The following LRP1B variants were observed in gnomAD, a reference collection of about 807,000 sequenced individuals.
LRP1B encodes the protein LDL receptor related protein 1B, also known as low-density lipoprotein receptor-related protein 1B.
Under a neutral mutation model 556.6 loss-of-function variants are expected in LRP1B, and 217 were observed. That is an observed-to-expected ratio of 0.39 (90% CI 0.35 to 0.44). LRP1B has a LOEUF of 0.44. LRP1B is among the 20% of genes least tolerant of loss of function. The pLI is 1.00. For missense variants in LRP1B, 5,053 were observed against 5,620.8 expected, an observed-to-expected ratio of 0.90 and a Z score of 3.23; for synonymous variants, 2,047 against 1,865.8, an observed-to-expected ratio of 1.10 and a Z score of -2.50.
Position 140,320,292 on chromosome 2 carries a change from G to A in LRP1B, c.12640+1671C>T, listed in dbSNP as rs553861763. On this transcript the variant is annotated intron_variant, in intron 82 of 90. Transcript: ENST00000389484. ...ATCAATTCATCTTTTCAAACGCTTC[G>A]GCTCTGCATATCAAATGCTTAAAGA... is the stretch of plus-strand genomic sequence containing the variant. Among the ~76,000 whole-genome samples, 10 of 152,098 alleles carry A rather than the reference G, an allele frequency of 6.6e-5. No homozygotes were observed. In the South Asian group the frequency reaches 8.3e-4, roughly 13 times the overall value.
At chr2:141,646,081 A>G (rs1046240623) in intron 2 of LRP1B, among the ~76,000 whole-genome samples, 43 of 152,108 alleles carry the variant, frequency 2.8e-4, no homozygotes, top group African/African-American at 1.0e-3. Context: ...ATCTTACACA[A>G]TTGCCTAAAT....
chr2:141,167,307 A>C (rs1008559153), intron 7 of LRP1B: 8 of 151,926 alleles, frequency 5.3e-5, no homozygotes, highest in African/African-American at 1.9e-4. Flanking sequence ...AGACAGAAGA[A>C]TCTTCTTTGT....
chr2:140,496,704 G>A (rs1688959745), intron 55 of LRP1B, among the ~76,000 whole-genome samples: 1 of 151,956 alleles, frequency 6.6e-6, no homozygotes, highest in Non-Finnish European at 1.5e-5. Flanking sequence ...GGTAGCATGT[G>A]AGAATTATTA....
Position 140,501,683 on chromosome 2 carries a change from C to T in LRP1B, c.8850+4G>A. 6.2e-7 allele frequency: 1 copy of T among 1,601,544 alleles called. No individual in the cohort carries two copies. The highest frequency in any genetic ancestry group is 8.5e-7 in the Non-Finnish European group (1 of 1,173,120). ...ATGATTTGCTACTTTTGATGAGTACCTACCTTATAACTGACCGGAAGGTCT... is the reference window on the plus strand; with the variant it reads ...ATGATTTGCTACTTTTGATGAGTACTTACCTTATAACTGACCGGAAGGTCT... On this transcript the variant is annotated splice_donor_region_variant and intron_variant, in intron 55 of 90. Transcript: ENST00000389484.
chr2:141,503,170 G>A (rs4271711), intron 2 of LRP1B, among the ~76,000 whole-genome samples: 9,671 of 146,956 alleles, frequency 0.066, 400 homozygotes, highest in South Asian at 0.18. Flanking sequence ...AGTAATACAT[G>A]AATAATATAA....
At chr2:142,023,567 TTAAAA>T (rs1703413257) in intron 1 of LRP1B, among the ~76,000 whole-genome samples, 1 of 152,142 alleles carries the variant, frequency 6.6e-6, no homozygotes, top group Admixed American at 6.5e-5. Context: ...ATACCTAAAG[TTAAAA>T]TAAACTAACT....
At chr2:141,667,020 C>CTA (rs1183409862) in intron 2 of LRP1B, among the ~76,000 whole-genome samples, 1 of 151,842 alleles carries the variant, frequency 6.6e-6, no homozygotes, top group Admixed American at 6.6e-5. Flanking sequence ...AGATTCATGA[C>CTA]TATGGATAAG....
intron 2 of LRP1B, among the ~76,000 whole-genome samples, chr2:141,743,486 C>CTTTTTTTTTTTT (rs765968445): frequency 1.9e-4 from 20 of 108,022 alleles, no homozygotes; most frequent in African/African-American, 2.0e-4. Flanking sequence ...CTGCTTTTTT[C>CTTTTTTTTTTTT]TTTTTTTTTT....
chr2:140,702,164 C>T lies in LRP1B; in HGVS notation c.6279G>A (p.Gly2093=), dbSNP rs779853688. ...ACCTGTCAGACCAGTAGATGTAAGCCCCAAAGACTGCAACTGAAAACATAT... is the reference window on the plus strand; with the variant it reads ...ACCTGTCAGACCAGTAGATGTAAGCTCCAAAGACTGCAACTGAAAACATAT... ...NVDMFSVAVF[G]AYIYWSDRAH... The change falls in exon 39 of 91, where the codon GGG becomes GGA. Residue 2093 remains glycine, a synonymous_variant. Coordinates refer to ENST00000389484, the MANE Select transcript of LRP1B (RefSeq NM_018557.3). 7.4e-6 allele frequency: 12 copies of T among 1,613,398 alleles called. No homozygotes were observed. In the South Asian group the frequency reaches 1.3e-4, roughly 18 times the overall value.
chr2:141,462,957 A>C (rs529939872), intron 3 of LRP1B, among the ~76,000 whole-genome samples: 2 of 127,000 alleles, frequency 1.6e-5, no homozygotes, highest in East Asian at 4.4e-4. Context: ...TTTTTAAAAG[A>C]GGAAAACTTC....
At chr2:141,370,867 G>A (rs1689204789) in intron 3 of LRP1B, among the ~76,000 whole-genome samples, 1 of 152,118 alleles carries the variant, frequency 6.6e-6, no homozygotes, top group African/African-American at 2.4e-5. Flanking sequence ...GCATACGGCA[G>A]TCCATTTTTC....
intron 1 of LRP1B, among the ~76,000 whole-genome samples, chr2:141,994,019 T>C (rs1437197792): frequency 3.3e-5 from 5 of 152,326 alleles, no homozygotes; most frequent in Admixed American, 3.3e-4. Flanking sequence ...CTTTGACAAC[T>C]GATTTGTTAT....
chr2:140,855,918 C>A (rs1483695887), intron 27 of LRP1B, among the ~76,000 whole-genome samples: 5 of 152,286 alleles, frequency 3.3e-5, no homozygotes, highest in African/African-American at 9.6e-5. Context: ...TTCATTTTCA[C>A]TGCCAAATTT....
intron 32 of LRP1B, among the ~76,000 whole-genome samples, chr2:140,791,882 C>T (rs1690132872): frequency 6.6e-6 from 1 of 152,164 alleles, no homozygotes; most frequent in Non-Finnish European, 1.5e-5. Context: ...AATTGAGAAT[C>T]AGCAAATGAA....
chr2:141,127,862 T>C (rs1470040755), intron 7 of LRP1B, among the ~76,000 whole-genome samples: 1 of 152,232 alleles, frequency 6.6e-6, no homozygotes, highest in African/African-American at 2.4e-5. Flanking sequence ...CCTGGTTTAC[T>C]CTCTCTAGCT....
intron 3 of LRP1B, among the ~76,000 whole-genome samples, chr2:141,415,295 G>A (rs1373603169): frequency 1.3e-5 from 2 of 152,058 alleles, no homozygotes; most frequent in African/African-American, 2.4e-5. Flanking sequence ...TTACAGGCGT[G>A]AGCCACCACG....
chr2:141,186,078 C>CAAAAAAAAA (rs386391364), intron 7 of LRP1B, among the ~76,000 whole-genome samples: 1 of 77,604 alleles, frequency 1.3e-5, no homozygotes, highest in Non-Finnish European at 2.3e-5. Flanking sequence ...GACTCTGTCT[C>CAAAAAAAAA]AAAAAAAAAA....
intron 2 of LRP1B, among the ~76,000 whole-genome samples, chr2:141,617,405 G>C (rs983243598): frequency 6.6e-6 from 1 of 152,146 alleles, no homozygotes; most frequent in African/African-American, 2.4e-5. Flanking sequence ...AATTTCAGGG[G>C]TCTACTTTAA....
intron 21 of LRP1B, among the ~76,000 whole-genome samples, chr2:140,912,419 T>C (rs1254644379): frequency 2.1e-4 from 32 of 151,656 alleles, no homozygotes; most frequent in Non-Finnish European, 1.0e-4. Flanking sequence ...TTAATAATAG[T>C]AAAACATATT....
Sources: allele counts gnomAD v4.1 joint callset (sites outside exome capture counted in the v4.1 genomes callset), GRCh38; gene constraint gnomAD v4.1.1; transcripts MANE v1.5; gene names NCBI Gene and HGNC (gene_info 2026-07-23, HGNC 2026-07-21).